Variants in CENPP observed in about 807,000 individuals in gnomAD.
CENPP encodes centromere protein P.
CENPP carries 24 observed loss-of-function variants against 35.6 expected under a neutral mutation model. That is an observed-to-expected ratio of 0.67 (90% confidence interval 0.49 to 0.95). The LOEUF is 0.95. Among genes scored for constraint, CENPP ranks in the 40% least tolerant of loss-of-function variants. The probability of loss-of-function intolerance (pLI) is 0.00; values close to 1 mark genes in which losing one functional copy is unlikely to be tolerated. For missense variants in CENPP, 332 were observed against 345.3 expected (o/e 0.96, Z 0.31); for synonymous variants, 120 against 125.5 (o/e 0.96, Z 0.29).
chr9:92,326,317 C>A (rs1177785800), intron 1 of CENPP, among the ~76,000 whole-genome samples: 1 of 152,218 alleles, frequency 6.6e-6, no homozygotes, highest in African/African-American at 2.4e-5. Context: ...CTCGTTTAAT[C>A]GCAGTCGTCT....
intron 5 of CENPP, among the ~76,000 whole-genome samples, chr9:92,447,151 C>T (rs1015314461): frequency 1.3e-4 from 20 of 151,990 alleles, no homozygotes; most frequent in Non-Finnish European, 2.5e-4. Context: ...AATTTTTCCA[C>T]GGACAGGCAT....
intron 4 of CENPP, among the ~76,000 whole-genome samples, chr9:92,359,926 A>G (rs915407074): frequency 2.0e-5 from 3 of 152,074 alleles, no homozygotes; most frequent in Non-Finnish European, 4.4e-5. Flanking sequence ...GAAATTTGCT[A>G]AAATTAATCA....
chr9:92,460,833 T>C (rs1484691646), intron 5 of CENPP, among the ~76,000 whole-genome samples: 2 of 152,104 alleles, frequency 1.3e-5, no homozygotes, highest in African/African-American at 2.4e-5. Flanking sequence ...TGCACCACCA[T>C]ACCTGGCTAA....
intron 5 of CENPP, among the ~76,000 whole-genome samples, chr9:92,380,244 T>C (rs1842213824): frequency 6.6e-6 from 1 of 152,218 alleles, no homozygotes; most frequent in Admixed American, 6.5e-5. Flanking sequence ...GCTTCTCAAT[T>C]GTGCATTTCG....
At chr9:92,343,248 C>T (rs559040689) in intron 3 of CENPP, among the ~76,000 whole-genome samples, 73 of 152,172 alleles carry the variant, frequency 4.8e-4, no homozygotes, top group Non-Finnish European at 8.7e-4. Context: ...GTAAATGGAT[C>T]CAGAGAGTTT....
intron 5 of CENPP, among the ~76,000 whole-genome samples, chr9:92,391,939 G>T (rs1335978403): frequency 6.6e-6 from 1 of 151,558 alleles, no homozygotes; most frequent in Non-Finnish European, 1.5e-5. Flanking sequence ...TCCACATTTG[G>T]GAGCTATCAG....
At chr9:92,514,851 C>A in intron 5 of CENPP, 1 of 1,609,418 alleles carries the variant, frequency 6.2e-7, no homozygotes, top group Non-Finnish European at 8.5e-7. Flanking sequence ...CCTCCTCACC[C>A]TCCTCCTCCT....
At chr9:92,396,537 A>G (rs1320624148) in intron 5 of CENPP, among the ~76,000 whole-genome samples, 1 of 149,296 alleles carries the variant, frequency 6.7e-6, no homozygotes, top group African/African-American at 2.5e-5. Context: ...AGCGTTATTT[A>G]GATTTCAGTG....
intron 5 of CENPP, among the ~76,000 whole-genome samples, chr9:92,546,294 A>G (rs1849443741): frequency 6.6e-6 from 1 of 152,228 alleles, no homozygotes; most frequent in Admixed American, 6.5e-5. Context: ...AGGCAATAAA[A>G]GCAGGCTGCC....
chr9:92,526,757 T>C (rs1848438684), intron 5 of CENPP, among the ~76,000 whole-genome samples: 1 of 151,930 alleles, frequency 6.6e-6, no homozygotes, highest in Non-Finnish European at 1.5e-5. Context: ...TAAGCTAAGG[T>C]TAATTCATTA....
intron 5 of CENPP, among the ~76,000 whole-genome samples, chr9:92,603,973 A>C (rs1185656192): frequency 6.6e-6 from 1 of 152,240 alleles, no homozygotes; most frequent in African/African-American, 2.4e-5. Flanking sequence ...GCTGATGTGC[A>C]TTCTTAAAGA....
chr9:92,619,401 A>G lies in CENPP; in HGVS notation c.*6252A>G, dbSNP rs548547290. The G allele has an allele frequency of 7.1e-6, 8 of 1,129,842 alleles. No homozygotes were observed. In the South Asian group the frequency reaches 1.1e-4, roughly 15 times the overall value. The allele number at this position is 1,129,842 out of a possible 1,614,324, so 70.0% of individuals were successfully genotyped here. On this transcript the variant is annotated 3_prime_UTR_variant, in exon 8 of 8. Coordinates refer to ENST00000375587, the MANE Select transcript of CENPP (RefSeq NM_001012267.3). ...CGCCATGGAGTCTCTAAATATGGGGAAACCAACTATCCTATTAACAATTCA... is the reference window on the plus strand; with the variant it reads ...CGCCATGGAGTCTCTAAATATGGGGGAACCAACTATCCTATTAACAATTCA...
At chr9:92,393,696 AG>A (rs1842779338) in intron 5 of CENPP, among the ~76,000 whole-genome samples, 1 of 152,140 alleles carries the variant, frequency 6.6e-6, no homozygotes, top group East Asian at 1.9e-4. Flanking sequence ...TAGCACCCCA[AG>A]TCATTTATTA....
intron 5 of CENPP, among the ~76,000 whole-genome samples, chr9:92,577,757 C>T (rs1281779701): frequency 6.6e-6 from 1 of 151,856 alleles, no homozygotes; most frequent in Non-Finnish European, 1.5e-5. Context: ...CAAGTCTGGC[C>T]CGGGCAACAC....
At position 92,611,313 on chromosome 9, in the gene CENPP, G is replaced by T. The variant is rs1258174256; in HGVS notation, c.565-1G>T. 1 of 1,613,414 alleles carries T rather than the reference G, an allele frequency of 6.2e-7. No homozygotes were observed. Among genetic ancestry groups the T allele is most frequent in the Non-Finnish European group, 8.5e-7 (1 of 1,179,726 alleles). On this transcript the variant is annotated splice_acceptor_variant, in intron 5 of 7. Coordinates refer to ENST00000375587, the MANE Select transcript of CENPP (RefSeq NM_001012267.3). LOFTEE classifies it high-confidence loss of function. The stretch of plus-strand genomic sequence containing the variant: ...TCTACCCGTTTCTTCTCCCCATGCA[G>T]GAAAAGTACCCAGATGCCGTGTACC...
chr9:92,471,735 C>T (rs543726495), intron 5 of CENPP, among the ~76,000 whole-genome samples: 4 of 149,858 alleles, frequency 2.7e-5, no homozygotes, highest in Non-Finnish European at 4.4e-5. Flanking sequence ...GGCGCCATCT[C>T]GGCTCACTGC....
chr9:92,508,952 A>T (rs1473734359), intron 5 of CENPP, among the ~76,000 whole-genome samples: 1 of 152,090 alleles, frequency 6.6e-6, no homozygotes, highest in Non-Finnish European at 1.5e-5. Flanking sequence ...AGATAAAAAG[A>T]AAAGGTAGGC....
At chr9:92,571,381 T>G (rs2131354828) in intron 5 of CENPP, among the ~76,000 whole-genome samples, 1 of 152,332 alleles carries the variant, frequency 6.6e-6, no homozygotes, top group African/African-American at 2.4e-5. Context: ...TCCATGTAGT[T>G]GAGCGGTTTT....
chr9:92,390,880 T>G (rs1194491833), intron 5 of CENPP, among the ~76,000 whole-genome samples: 1 of 152,192 alleles, frequency 6.6e-6, no homozygotes, highest in Non-Finnish European at 1.5e-5. Context: ...ACAAACCTTA[T>G]CTAACATATT....
Sources: gnomAD v4.1 joint callset for allele counts (sites outside exome capture counted in the v4.1 genomes callset) on GRCh38, gnomAD v4.1.1 for gene constraint, MANE v1.5 for transcripts, NCBI Gene and HGNC (gene_info 2026-07-23, HGNC 2026-07-21) for gene names.